The following RARB variants were observed in gnomAD, a reference collection of about 807,000 sequenced individuals.
RARB encodes HBV-activated protein.
Under a neutral mutation model 51.9 loss-of-function variants are expected in RARB, and 17 were observed. The observed-to-expected ratio is 0.33, with a 90% CI of 0.22 to 0.49. The LOEUF (loss-of-function observed/expected upper bound fraction) is 0.49, where lower values mean the gene tolerates loss of function less well. Among genes scored for constraint, RARB ranks in the 20% least tolerant of loss-of-function variants. The pLI, the probability that RARB is intolerant of heterozygous loss-of-function variation, is 0.99. For synonymous variants in RARB, 215 were observed against 195.4 expected (o/e 1.10, Z -0.84); for missense variants, 369 against 550.8 (o/e 0.67, Z 3.30).
intron 3 of RARB, among the ~76,000 whole-genome samples, chr3:25,514,815 T>C (rs1347717656): frequency 6.6e-6 from 1 of 152,184 alleles, no homozygotes; most frequent in Admixed American, 6.5e-5. Context: ...TCAAGAGATT[T>C]AAGGAGGACA....
At chr3:25,343,820 A>C (rs1194597028) in intron 5 of RARB, among the ~76,000 whole-genome samples, 1 of 152,160 alleles carries the variant, frequency 6.6e-6, no homozygotes, top group East Asian at 1.9e-4. Context: ...AAAGTTTGGG[A>C]GCTGCTGTTT....
chr3:25,257,053 T>G (rs983041832), intron 5 of RARB, among the ~76,000 whole-genome samples: 8 of 152,120 alleles, frequency 5.3e-5, no homozygotes, highest in Non-Finnish European at 1.0e-4. Context: ...AAATGTAAGC[T>G]CATCAATGTA....
chr3:25,550,777 C>T (rs1699817805), intron 3 of RARB, among the ~76,000 whole-genome samples: 2 of 152,090 alleles, frequency 1.3e-5, no homozygotes, highest in African/African-American at 4.8e-5. Context: ...GTGTGATGTT[C>T]CCCCTTCTGT....
At chr3:25,399,539 A>G (rs1375660779) in intron 5 of RARB, among the ~76,000 whole-genome samples, 2 of 152,186 alleles carry the variant, frequency 1.3e-5, no homozygotes, top group Admixed American at 1.3e-4. Flanking sequence ...CTGAAGAGGT[A>G]GCAGCCAGTT....
intron 2 of RARB, among the ~76,000 whole-genome samples, chr3:25,046,193 C>A (rs1698210237): frequency 6.6e-6 from 1 of 152,170 alleles, no homozygotes; most frequent in South Asian, 2.1e-4. Flanking sequence ...GGCCTGTTGG[C>A]CTGAGCACCC....
At chr3:24,932,526 G>T (rs960171156) in intron 2 of RARB, among the ~76,000 whole-genome samples, 2 of 151,980 alleles carry the variant, frequency 1.3e-5, no homozygotes, top group Non-Finnish European at 1.5e-5. Context: ...CTACATATGC[G>T]TATGCATTTT....
chr3:25,151,561 A>G (rs1285044283), intron 4 of RARB, among the ~76,000 whole-genome samples: 21 of 152,202 alleles, frequency 1.4e-4, no homozygotes, highest in Admixed American at 1.4e-3. Flanking sequence ...GAACCTACTA[A>G]TTAAGAGTAA....
intron 3 of RARB, among the ~76,000 whole-genome samples, chr3:25,107,717 G>T (rs1438085479): frequency 6.6e-6 from 1 of 152,096 alleles, no homozygotes; most frequent in Non-Finnish European, 1.5e-5. Context: ...TAATAAAATA[G>T]GAAAATGGTA....
intron 5 of RARB, among the ~76,000 whole-genome samples, chr3:25,218,604 C>T (rs1701883632): frequency 6.6e-6 from 1 of 152,088 alleles, no homozygotes; most frequent in Non-Finnish European, 1.5e-5. Flanking sequence ...AGAGGAGGAC[C>T]CTCAGGAAAC....
chr3:25,447,947 A>G (rs1334484761), intron 1 of RARB, among the ~76,000 whole-genome samples: 1 of 152,192 alleles, frequency 6.6e-6, no homozygotes, highest in Non-Finnish European at 1.5e-5. Context: ...AGCATGATAC[A>G]ATAATGATAA....
intron 2 of RARB, among the ~76,000 whole-genome samples, chr3:25,010,312 A>G (rs919350655): frequency 6.6e-6 from 1 of 152,132 alleles, no homozygotes; most frequent in South Asian, 2.1e-4. Flanking sequence ...TACAAATTAT[A>G]AGAATTTTTA....
chr3:24,852,264 A>G (rs1412213390), intron 1 of RARB, among the ~76,000 whole-genome samples: 1 of 152,216 alleles, frequency 6.6e-6, no homozygotes, highest in African/African-American at 2.4e-5. Flanking sequence ...TTCAACATTA[A>G]GAGTGAACCA....
At chr3:25,130,959 ATAT>A (rs67461774) in intron 3 of RARB, among the ~76,000 whole-genome samples, 16 of 41,344 alleles carry the variant, frequency 3.9e-4, no homozygotes, top group East Asian at 1.9e-3. Flanking sequence ...ATTATTGATA[ATAT>A]TATCAATATT....
intron 3 of RARB, among the ~76,000 whole-genome samples, chr3:25,129,273 C>G (rs1699908150): frequency 1.3e-5 from 2 of 151,990 alleles, no homozygotes; most frequent in African/African-American, 2.4e-5. Flanking sequence ...CATGATTTCT[C>G]TTTCTGAATT....
chr3:24,976,049 A>T (rs1252888177), intron 2 of RARB, among the ~76,000 whole-genome samples: 1 of 152,126 alleles, frequency 6.6e-6, no homozygotes, highest in Admixed American at 6.6e-5. Context: ...GAGAGTCTGC[A>T]GAGAATGATG....
intron 2 of RARB, among the ~76,000 whole-genome samples, chr3:24,905,983 C>T (rs551548200): frequency 6.6e-6 from 1 of 152,268 alleles, no homozygotes; most frequent in South Asian, 2.1e-4. Flanking sequence ...TTGACTTTTT[C>T]TAGTCTGTTA....
intron 4 of RARB, among the ~76,000 whole-genome samples, chr3:25,166,296 C>T (rs1700559778): frequency 6.6e-6 from 1 of 152,174 alleles, no homozygotes; most frequent in Non-Finnish European, 1.5e-5. Context: ...GACTTCTTTA[C>T]ATCCATGTTT....
Position 25,294,742 on chromosome 3 carries a change from T to C in RARB, c.178+120167T>C, listed in dbSNP as rs187340019. Among the ~76,000 whole-genome samples the C allele has an allele frequency of 7.9e-3, 1,111 of 139,944 alleles. 15 individuals are homozygous for C. Among genetic ancestry groups the C allele is most frequent in the African/African-American group, 0.03 (1,064 of 35,582 alleles). The allele number at this position is 139,944 out of a possible 152,430, so 91.8% of individuals were successfully genotyped here. A position where few individuals can be genotyped will look rare whatever the true frequency, so the allele number is the denominator to read the frequency against. The stretch of plus-strand genomic sequence containing the variant: ...TTGGCGGAAGCTTCCTAGAAGTCAT[T>C]TGGCAATGTATTCGTGGCCTCCCAG... On this transcript the variant is annotated intron_variant, in intron 5 of 11. Coordinates refer to the RARB transcript ENST00000383772.
At chr3:25,500,838 T>G (rs564467687) in intron 2 of RARB, among the ~76,000 whole-genome samples, 30 of 152,252 alleles carry the variant, frequency 2.0e-4, no homozygotes, top group African/African-American at 6.7e-4. Context: ...AGTGCGCTCA[T>G]CTGAAATTGT....
Sources: allele counts gnomAD v4.1 joint callset (sites outside exome capture counted in the v4.1 genomes callset), GRCh38; gene constraint gnomAD v4.1.1; transcripts MANE v1.5; gene names NCBI Gene and HGNC (gene_info 2026-07-23, HGNC 2026-07-21).